ITSN1: variants seen among roughly 807,000 people sequenced by gnomAD.
ITSN1 encodes intersectin 1, also known as intersectin-1.
A neutral mutation model predicts 239.8 loss-of-function variants in ITSN1; 58 were observed. The observed-to-expected ratio is 0.24, with a 90% CI of 0.20 to 0.30. The LOEUF (loss-of-function observed/expected upper bound fraction) is 0.30. Among genes scored for constraint, ITSN1 ranks in the 10% least tolerant of loss-of-function variants. ITSN1 has a pLI of 1.00. For missense variants in ITSN1, 1,558 were observed against 2,103.3 expected (o/e 0.74, Z 5.07); for synonymous variants, 780 against 770.8 (o/e 1.01, Z -0.20).
In ITSN1 at chr21:33,698,235, C is replaced by T. The variant is rs16990784; in HGVS notation, c.-32-20562C>T. Among the ~76,000 whole-genome samples, 536 of 152,176 alleles carry T rather than the reference C, an allele frequency of 3.5e-3. 2 individuals carry two copies. The highest frequency in any genetic ancestry group is 0.012 in the African/African-American group (509 of 41,506). On this transcript the variant is annotated intron_variant, in intron 1 of 39. Transcript: ENST00000381318. ...AGCAGGAGTAAAGGGACAAATCGTC[C>T]GAAATGCCATTGAGTGTTGCCAAGT...
At chr21:33,810,808 G>A in intron 20 of ITSN1, 167 bp from the exon 21 acceptor site, 1 of 818,752 alleles carries the variant, frequency 1.2e-6, no homozygotes, top group Admixed American at 1.9e-5. Context: ...TTTTTTTTCA[G>A]CATTACTGCT....
chr21:33,712,794 ACTT>A (rs1278029600), intron 1 of ITSN1, among the ~76,000 whole-genome samples: 1 of 152,218 alleles, frequency 6.6e-6, no homozygotes, highest in Non-Finnish European at 1.5e-5. Context: ...GCTTTTGTCT[ACTT>A]CTTATTGTCC....
intron 18 of ITSN1, among the ~76,000 whole-genome samples, chr21:33,799,583 T>TAG (rs974052305): frequency 6.6e-5 from 10 of 152,122 alleles, no homozygotes; most frequent in Non-Finnish European, 2.9e-5. Flanking sequence ...GACCTTTGTT[T>TAG]AGAGAGAGTC....
intron 29 of ITSN1, among the ~76,000 whole-genome samples, chr21:33,840,955 A>G (rs1317566767): frequency 6.6e-6 from 1 of 151,976 alleles, no homozygotes; most frequent in Non-Finnish European, 1.5e-5. Flanking sequence ...CTTACGAATC[A>G]CTCTCCTCTG....
chr21:33,819,438 A>G lies in ITSN1; in HGVS notation c.3016+115A>G, dbSNP rs1019560421. 6.3e-6 allele frequency: 4 copies of G among 639,310 alleles called. No homozygotes were observed. The African/African-American group carries it at 7.2e-5, about 12-fold the overall frequency. 39.6% of individuals were successfully genotyped at this position (639,310 alleles called of 1,614,324 possible). ...ACTGCATTTATGATCAGTATATTAA[A>G]CTACAGTAAAATGTAAGTTTAGCTC... On this transcript the variant is annotated intron_variant, in intron 24 of 39. Transcript: ENST00000381318.
In ITSN1 at chr21:33,809,167, A is replaced by G. The variant is rs147356763; in HGVS notation, c.2320-1808A>G. On this transcript the variant is annotated intron_variant, in intron 20 of 39. Transcript: ENST00000381318. ...CAGTAAGAACAAAACAATGACTGCAAAGTGGCTAGTGTGTTCATGTGGGTG... is the reference window on the plus strand; with the variant it reads ...CAGTAAGAACAAAACAATGACTGCAGAGTGGCTAGTGTGTTCATGTGGGTG... Among the ~76,000 whole-genome samples, 231 of 152,362 alleles carry G rather than the reference A, an allele frequency of 1.5e-3. 6 individuals carry two copies. In the East Asian group the frequency reaches 0.042, roughly 28 times the overall value.
chr21:33,763,689 A>G (rs181255557), intron 9 of ITSN1, among the ~76,000 whole-genome samples: 6 of 152,032 alleles, frequency 3.9e-5, no homozygotes, highest in Admixed American at 3.9e-4. Flanking sequence ...TACTCTCCTC[A>G]AAAGGCACAT....
chr21:33,723,590 G>T (rs771753063), intron 4 of ITSN1, among the ~76,000 whole-genome samples: 1 of 152,108 alleles, frequency 6.6e-6, no homozygotes, highest in Non-Finnish European at 1.5e-5. Flanking sequence ...CTCCAGCCTG[G>T]GCGACAGAGC....
intron 39 of ITSN1, among the ~76,000 whole-genome samples, chr21:33,886,814 A>G (rs1006374910): frequency 3.9e-5 from 6 of 152,192 alleles, no homozygotes; most frequent in African/African-American, 7.2e-5. Flanking sequence ...AAACTGGCCA[A>G]TGGAACAAGG....
chr21:33,817,525 A>AT (rs1339427207), intron 22 of ITSN1: 2 of 1,304,408 alleles, frequency 1.5e-6, no homozygotes, highest in Admixed American at 2.3e-5. Flanking sequence ...AGTATATTTC[A>AT]TTCTGCCAGG....
intron 25 of ITSN1, among the ~76,000 whole-genome samples, chr21:33,824,335 G>A (rs2073861371): frequency 6.6e-6 from 1 of 152,200 alleles, no homozygotes; most frequent in South Asian, 2.1e-4. Context: ...GAGCATGGGA[G>A]TCAGTCTTGT....
At chr21:33,733,634 A>G (rs1297549176) in intron 4 of ITSN1, among the ~76,000 whole-genome samples, 1 of 152,104 alleles carries the variant, frequency 6.6e-6, no homozygotes, top group Non-Finnish European at 1.5e-5. Context: ...GACATGCAAT[A>G]TATAGAAAAT....
intron 1 of ITSN1, among the ~76,000 whole-genome samples, chr21:33,715,906 G>A (rs1168590960): frequency 6.6e-6 from 1 of 152,098 alleles, no homozygotes; most frequent in Non-Finnish European, 1.5e-5. Context: ...GACGGAGTGA[G>A]ACTCTGTCTC....
At chr21:33,723,846 A>T (rs1340866972) in intron 4 of ITSN1, among the ~76,000 whole-genome samples, 1 of 152,216 alleles carries the variant, frequency 6.6e-6, no homozygotes, top group African/African-American at 2.4e-5. Flanking sequence ...AAACCCAAAA[A>T]GGTATCATCT....
intron 29 of ITSN1, among the ~76,000 whole-genome samples, chr21:33,847,920 C>T (rs1411735280): frequency 6.6e-6 from 1 of 152,174 alleles, no homozygotes; most frequent in Non-Finnish European, 1.5e-5. Context: ...ATGCCTGGAC[C>T]CCACTCCAGC....
At chr21:33,781,071 G>A (rs2070137786) in intron 14 of ITSN1, among the ~76,000 whole-genome samples, 1 of 152,186 alleles carries the variant, frequency 6.6e-6, no homozygotes. Context: ...TAATAGGGTA[G>A]CTCCTATTTA....
At chr21:33,777,659 C>T (rs982844579) in intron 14 of ITSN1, among the ~76,000 whole-genome samples, 2 of 152,090 alleles carry the variant, frequency 1.3e-5, no homozygotes, top group Admixed American at 1.3e-4. Flanking sequence ...TAAAGTTTAT[C>T]CCTAAGTATT....
chr21:33,643,126 C>T (rs2087570658), intron 1 of ITSN1, among the ~76,000 whole-genome samples: 1 of 151,318 alleles, frequency 6.6e-6, no homozygotes, highest in African/African-American at 2.4e-5. Flanking sequence ...GGCCCGGCCT[C>T]GCCTCCCGCC....
chr21:33,830,643 A>T (rs954156101), intron 27 of ITSN1, among the ~76,000 whole-genome samples: 6 of 152,204 alleles, frequency 3.9e-5, no homozygotes, highest in Non-Finnish European at 8.8e-5. Context: ...TCAGTGCAGT[A>T]TCTAGACCCT....
Sources: gnomAD v4.1 joint callset for allele counts (sites outside exome capture counted in the v4.1 genomes callset) on GRCh38, gnomAD v4.1.1 for gene constraint, MANE v1.5 for transcripts, NCBI Gene and HGNC (gene_info 2026-07-23, HGNC 2026-07-21) for gene names.